Variants in LGSN observed in about 807,000 individuals in gnomAD.
LGSN encodes the protein lengsin.
A neutral mutation model predicts 19.5 loss-of-function variants in LGSN; 21 were observed. The observed-to-expected ratio is 1.07, with a 90% CI of 0.76 to 1.55. LGSN has a LOEUF of 1.55. Ranked by LOEUF, LGSN falls within the 40% of genes most tolerant of loss-of-function variation. LGSN has a pLI of 0.00. For synonymous variants in LGSN, 257 were observed against 215.6 expected, an observed-to-expected ratio of 1.19 and a Z score of -1.68; for missense variants, 673 against 608.5, an observed-to-expected ratio of 1.11 and a Z score of -1.12.
the LGSN span, among the ~76,000 whole-genome samples, chr6:63,466,273 T>A: frequency 6.6e-6 from 1 of 152,178 alleles, no homozygotes; most frequent in East Asian, 1.9e-4. Flanking sequence ...TTACTTTTAT[T>A]TGTAGAGACA....
At chr6:63,460,100 C>CTTTTTTTTTTTTTTTTT in the LGSN span, among the ~76,000 whole-genome samples, 19 of 56,132 alleles carry the variant, frequency 3.4e-4, no homozygotes, top group Admixed American at 5.3e-4. Flanking sequence ...ATTTCATTCC[C>CTTTTTTTTTTTTTTTTT]TTTTTTTTTT....
chr6:63,477,971 C>T, the LGSN span, among the ~76,000 whole-genome samples: 2 of 151,956 alleles, frequency 1.3e-5, no homozygotes, highest in African/African-American at 4.8e-5. Context: ...TCCCCCTACT[C>T]ATCTTCTTCT....
the LGSN span, among the ~76,000 whole-genome samples, chr6:63,419,148 G>T: frequency 6.6e-6 from 1 of 152,110 alleles, no homozygotes; most frequent in African/African-American, 2.4e-5. Flanking sequence ...TCTTATCACT[G>T]TATTTTCCTT....
At chr6:63,544,962 A>G in the LGSN span, among the ~76,000 whole-genome samples, 2 of 152,270 alleles carry the variant, frequency 1.3e-5, no homozygotes, top group East Asian at 3.9e-4. Flanking sequence ...TGCATATCAA[A>G]CTTTCATGCA....
chr6:63,572,518 G>T, the LGSN span: 1 of 391,498 alleles, frequency 2.6e-6, no homozygotes, highest in East Asian at 3.6e-5. Flanking sequence ...CTGCGGGCCG[G>T]CTCGGCTACG....
chr6:63,526,046 C>G, the LGSN span, among the ~76,000 whole-genome samples: 68 of 152,212 alleles, frequency 4.5e-4, 1 homozygote, highest in African/African-American at 1.6e-3. Context: ...ATTTCTAGGC[C>G]AGGCGCAGTG....
chr6:63,519,238 C>T, the LGSN span, among the ~76,000 whole-genome samples: 1 of 149,072 alleles, frequency 6.7e-6, no homozygotes, highest in Admixed American at 6.7e-5. Context: ...ACCTGGGAGG[C>T]AGAGGTTGCA....
chr6:63,354,614 C>T, the LGSN span, among the ~76,000 whole-genome samples: 2 of 152,046 alleles, frequency 1.3e-5, no homozygotes, highest in South Asian at 2.1e-4. Flanking sequence ...AATAGAAATA[C>T]CATATGATCT....
the LGSN span, among the ~76,000 whole-genome samples, chr6:63,507,058 C>T: frequency 6.6e-6 from 1 of 152,152 alleles, no homozygotes; most frequent in African/African-American, 2.4e-5. Flanking sequence ...TCCCCAGGGT[C>T]CCCATGTATC....
At chr6:63,407,995 G>A in the LGSN span, among the ~76,000 whole-genome samples, 3 of 152,218 alleles carry the variant, frequency 2.0e-5, no homozygotes, top group African/African-American at 7.2e-5. Flanking sequence ...CCTCTTCAAG[G>A]AGAACTACAA....
the LGSN span, among the ~76,000 whole-genome samples, chr6:63,540,190 A>G: frequency 2.0e-5 from 3 of 152,208 alleles, no homozygotes; most frequent in African/African-American, 7.2e-5. Flanking sequence ...GTGAATAAAC[A>G]AAATGTGGTA....
chr6:63,512,149 C>T, the LGSN span, among the ~76,000 whole-genome samples: 10 of 150,532 alleles, frequency 6.6e-5, no homozygotes, highest in Admixed American at 1.3e-4. Flanking sequence ...GTGGTGTGAT[C>T]TCGGCTCACC....
At chr6:63,388,139 G>C in the LGSN span, among the ~76,000 whole-genome samples, 1 of 151,666 alleles carries the variant, frequency 6.6e-6, no homozygotes, top group Non-Finnish European at 1.5e-5. Flanking sequence ...GCCTCCCAAT[G>C]TGCTAGGATT....
chr6:63,412,709 G>GGGAA, the LGSN span, among the ~76,000 whole-genome samples: 70 of 65,232 alleles, frequency 1.1e-3, no homozygotes, highest in African/African-American at 3.0e-3. Context: ...GAAAGAAAGA[G>GGGAA]GGAAGGAAGG....
the LGSN span, among the ~76,000 whole-genome samples, chr6:63,360,352 G>T: frequency 1.3e-5 from 2 of 151,976 alleles, no homozygotes; most frequent in Non-Finnish European, 2.9e-5. Context: ...TGGAGGCTTT[G>T]TTTGTTTCTT....
At chr6:63,285,819 G>T (rs1767512840) in intron 2 of LGSN, 66 bp from the exon 3 acceptor site, 10 of 1,236,606 alleles carry the variant, frequency 8.1e-6, no homozygotes, top group Non-Finnish European at 1.2e-5. Flanking sequence ...AAAGGAGACT[G>T]GAGACTAGTG....
At chr6:63,286,450 GA>G (rs1180669499) in intron 2 of LGSN, among the ~76,000 whole-genome samples, 1 of 152,142 alleles carries the variant, frequency 6.6e-6, no homozygotes, top group Non-Finnish European at 1.5e-5. Context: ...AAGATAGTTT[GA>G]AAATTCTAAC....
chr6:63,459,829 G>T, the LGSN span, among the ~76,000 whole-genome samples: 1 of 152,032 alleles, frequency 6.6e-6, no homozygotes, highest in Non-Finnish European at 1.5e-5. Context: ...AAGGAGAATC[G>T]CTTGAACCCA....
At chr6:63,448,104 A>G in the LGSN span, among the ~76,000 whole-genome samples, 440 of 152,338 alleles carry the variant, frequency 2.9e-3, 3 homozygotes, top group African/African-American at 0.01. Flanking sequence ...GTGCTTTTAA[A>G]TTAAGAACAA....
Sources: allele counts gnomAD v4.1 joint callset (sites outside exome capture counted in the v4.1 genomes callset), GRCh38; gene constraint gnomAD v4.1.1; transcripts MANE v1.5; gene names NCBI Gene and HGNC (gene_info 2026-07-23, HGNC 2026-07-21).